NRXN1: variants seen among roughly 807,000 people sequenced by gnomAD.
The protein encoded by NRXN1 is neurexin-1.
NRXN1 carries 39 observed loss-of-function variants against 150.9 expected under a neutral mutation model. The ratio of observed to expected loss-of-function variants is 0.26; its 90% CI spans 0.20 to 0.34. NRXN1 has a LOEUF of 0.34. Ranked by LOEUF, NRXN1 falls within the 10% of genes least tolerant of loss-of-function variation. NRXN1 has a pLI of 1.00. For synonymous variants in NRXN1, 924 were observed against 757.0 expected, an observed-to-expected ratio of 1.22 and a Z score of -3.62; for missense variants, 1,815 against 1,949.9, an observed-to-expected ratio of 0.93 and a Z score of 1.30.
rs1667716869 is a variant in NRXN1 at position 50,552,777 on chromosome 2, C to T, written c.1569G>A (p.Lys523=). The part of the protein sequence containing the change: ...PNGLILFSHG[K]PRHQKDAKHP... ...GCTTGGCATCTTTCTGATGTCTTGG[C>T]TTGCCATGGCTAAATAAGATGAGGC... The change falls in exon 9 of 23, where the codon AAG becomes AAA. Residue 523 remains lysine, a synonymous_variant. Coordinates refer to ENST00000401669, the MANE Select transcript of NRXN1 (RefSeq NM_001330078.2). The T allele has an allele frequency of 6.2e-7, 1 of 1,613,924 alleles. No individual in the cohort carries two copies. The highest frequency in any genetic ancestry group is 8.5e-7 in the Non-Finnish European group (1 of 1,179,860).
rs143140841 is a variant in NRXN1 at position 50,051,898 on chromosome 2, C to T, written c.4128+1373G>A. On this transcript the variant is annotated intron_variant, in intron 21 of 22. Transcript: ENST00000401669. Reference sequence around the variant, plus strand: ...TCCCATTTTATTTTGTAGCCACATGCAAATAGGAAACGAAAAGAAAAGAGA... The same window carrying T: ...TCCCATTTTATTTTGTAGCCACATGTAAATAGGAAACGAAAAGAAAAGAGA... Among the ~76,000 whole-genome samples the T allele has an allele frequency of 2.8e-3, 422 of 151,930 alleles. 3 individuals are homozygous for T. The highest frequency in any genetic ancestry group is 9.6e-3 in the African/African-American group (399 of 41,484).
At chr2:50,563,770 C>A (rs1425102391) in intron 8 of NRXN1, among the ~76,000 whole-genome samples, 1 of 152,106 alleles carries the variant, frequency 6.6e-6, no homozygotes, top group Non-Finnish European at 1.5e-5. Context: ...CAATAAAAAA[C>A]CATAGGACTT....
intron 17 of NRXN1, among the ~76,000 whole-genome samples, chr2:50,325,090 G>A (rs1184721026): frequency 6.6e-6 from 1 of 152,130 alleles, no homozygotes; most frequent in Non-Finnish European, 1.5e-5. Flanking sequence ...CAGACAGAGG[G>A]GAGAAGACCT....
chr2:50,177,414 T>C (rs1368719462), intron 18 of NRXN1, among the ~76,000 whole-genome samples: 1 of 152,080 alleles, frequency 6.6e-6, no homozygotes, highest in East Asian at 1.9e-4. Flanking sequence ...TTATTTTCTG[T>C]ATGTTTACTT....
chr2:49,930,528 C>T (rs1444195905), intron 22 of NRXN1, among the ~76,000 whole-genome samples: 3 of 152,142 alleles, frequency 2.0e-5, no homozygotes, highest in South Asian at 4.1e-4. Context: ...AATCCAATAA[C>T]ATCTATTAAA....
chr2:50,500,468 T>C (rs1205608874), intron 13 of NRXN1, among the ~76,000 whole-genome samples: 1 of 152,200 alleles, frequency 6.6e-6, no homozygotes, highest in Non-Finnish European at 1.5e-5. Flanking sequence ...CTTTAAAAAA[T>C]TATTTTTTCT....
chr2:50,799,881 T>C (rs1707352107), intron 5 of NRXN1, among the ~76,000 whole-genome samples: 2 of 151,936 alleles, frequency 1.3e-5, no homozygotes, highest in Admixed American at 6.6e-5. Context: ...CTTTAAGACA[T>C]CCTCAATTAC....
chr2:50,254,812 T>A (rs1241613945), intron 17 of NRXN1, among the ~76,000 whole-genome samples: 1 of 152,138 alleles, frequency 6.6e-6, no homozygotes, highest in Non-Finnish European at 1.5e-5. Flanking sequence ...CATTTATTTT[T>A]TTTGTAGACA....
intron 21 of NRXN1, among the ~76,000 whole-genome samples, chr2:49,984,316 T>C (rs72887826): frequency 0.019 from 2,959 of 152,308 alleles, 103 homozygotes; most frequent in African/African-American, 0.067. Flanking sequence ...TTAAGCCACA[T>C]TTTAGCCTTC....
intron 21 of NRXN1, among the ~76,000 whole-genome samples, chr2:49,968,206 A>G (rs757880893): frequency 1.3e-5 from 2 of 151,986 alleles, no homozygotes; most frequent in African/African-American, 2.4e-5. Flanking sequence ...AATTATTGCT[A>G]CAGCAATTTA....
chr2:50,449,578 T>C (rs988555932), intron 17 of NRXN1, among the ~76,000 whole-genome samples: 15 of 152,308 alleles, frequency 9.8e-5, no homozygotes, highest in African/African-American at 3.4e-4. Context: ...TTTAGTAAGC[T>C]TGCAGGTGCT....
At chr2:50,317,865 T>G (rs1329550131) in intron 17 of NRXN1, among the ~76,000 whole-genome samples, 1 of 152,084 alleles carries the variant, frequency 6.6e-6, no homozygotes, top group Non-Finnish European at 1.5e-5. Flanking sequence ...GAGGAAAATA[T>G]TAGTTAACAT....
At chr2:50,751,033 G>A (rs1700535585) in intron 5 of NRXN1, among the ~76,000 whole-genome samples, 1 of 151,938 alleles carries the variant, frequency 6.6e-6, no homozygotes, top group Non-Finnish European at 1.5e-5. Context: ...AAAGGAGGTG[G>A]AGGAAGAGGA....
chr2:50,016,816 G>T (rs549568449), intron 21 of NRXN1, among the ~76,000 whole-genome samples: 11 of 152,212 alleles, frequency 7.2e-5, no homozygotes, highest in Admixed American at 7.2e-4. Context: ...ATAAATCAAA[G>T]AAGTTTGTCC....
chr2:49,996,557 G>A (rs1478966699), intron 21 of NRXN1, among the ~76,000 whole-genome samples: 1 of 152,144 alleles, frequency 6.6e-6, no homozygotes, highest in African/African-American at 2.4e-5. Context: ...GGATTGTCTG[G>A]TGGGCCCAGT....
At chr2:50,336,786 T>C (rs1310749275) in intron 17 of NRXN1, among the ~76,000 whole-genome samples, 1 of 152,186 alleles carries the variant, frequency 6.6e-6, no homozygotes, top group Non-Finnish European at 1.5e-5. Flanking sequence ...AATAAATCAG[T>C]CAGAACAAAT....
At chr2:50,612,417 T>C (rs1013769051) in intron 8 of NRXN1, among the ~76,000 whole-genome samples, 2 of 152,164 alleles carry the variant, frequency 1.3e-5, no homozygotes, top group Admixed American at 1.3e-4. Flanking sequence ...TCTGATAGGT[T>C]TGAAATACCA....
chr2:50,404,651 G>T (rs1452135345), intron 17 of NRXN1, among the ~76,000 whole-genome samples: 1 of 152,058 alleles, frequency 6.6e-6, no homozygotes, highest in African/African-American at 2.4e-5. Flanking sequence ...GGTAACAATT[G>T]TGAGAAAATA....
chr2:50,229,077 A>C (rs1230266195), intron 18 of NRXN1, among the ~76,000 whole-genome samples: 1 of 151,994 alleles, frequency 6.6e-6, no homozygotes, highest in African/African-American at 2.4e-5. Flanking sequence ...CTAATTTATA[A>C]TTTGGATTAT....
Sources: allele counts gnomAD v4.1 joint callset (sites outside exome capture counted in the v4.1 genomes callset), GRCh38; gene constraint gnomAD v4.1.1; transcripts MANE v1.5; gene names NCBI Gene and HGNC (gene_info 2026-07-23, HGNC 2026-07-21).